The following BMERB1 variants were observed in gnomAD, a reference collection of about 807,000 sequenced individuals.
BMERB1 encodes the protein bMERB domain-containing protein 1.
Under a neutral mutation model 23.6 loss-of-function variants are expected in BMERB1, and 12 were observed. The ratio of observed to expected loss-of-function variants is 0.51; its 90% CI spans 0.33 to 0.82. The LOEUF (loss-of-function observed/expected upper bound fraction) is 0.82. Among genes scored for constraint, BMERB1 ranks in the 40% least tolerant of loss-of-function variants. The probability of loss-of-function intolerance (pLI) is 0.03; values close to 1 mark genes in which losing one functional copy is unlikely to be tolerated. For synonymous variants in BMERB1, 122 were observed against 96.6 expected, an observed-to-expected ratio of 1.26 and a Z score of -1.54; for missense variants, 247 against 255.4, an observed-to-expected ratio of 0.97 and a Z score of 0.22.
chr16:15,572,902 G>T (rs963467027), intron 3 of BMERB1, among the ~76,000 whole-genome samples: 3 of 152,132 alleles, frequency 2.0e-5, no homozygotes, highest in African/African-American at 7.2e-5. Context: ...TTTTATAAGG[G>T]GTTTCCCCTT....
intron 3 of BMERB1, among the ~76,000 whole-genome samples, chr16:15,570,092 A>G (rs1406698197): frequency 6.6e-6 from 1 of 152,110 alleles, no homozygotes; most frequent in Non-Finnish European, 1.5e-5. Context: ...CACTGTTATC[A>G]TTTTTGCAAA....
intron 4 of BMERB1, among the ~76,000 whole-genome samples, chr16:15,581,760 A>G (rs1203990663): frequency 1.3e-5 from 2 of 152,122 alleles, no homozygotes; most frequent in Admixed American, 6.5e-5. Flanking sequence ...AGTGGCGCCA[A>G]TGCCCTTTTC....
intron 2 of BMERB1, among the ~76,000 whole-genome samples, chr16:15,536,331 C>T (rs1044416205): frequency 2.0e-5 from 3 of 152,052 alleles, no homozygotes; most frequent in African/African-American, 4.8e-5. Context: ...GCTTGGCAGA[C>T]GAGGCAGCAG....
At chr16:15,473,465 G>C (rs2051248290) in intron 1 of BMERB1, among the ~76,000 whole-genome samples, 1 of 150,632 alleles carries the variant, frequency 6.6e-6, no homozygotes, top group Non-Finnish European at 1.5e-5. Flanking sequence ...GCTAATTTTT[G>C]TATTTTTAGT....
chr16:15,499,688 A>G (rs2051508991), intron 1 of BMERB1, among the ~76,000 whole-genome samples: 2 of 152,002 alleles, frequency 1.3e-5, no homozygotes, highest in South Asian at 4.1e-4. Context: ...TCCTAGAGGG[A>G]TGGTGTTTGA....
At chr16:15,486,963 G>T (rs1364749238) in intron 1 of BMERB1, among the ~76,000 whole-genome samples, 1 of 152,052 alleles carries the variant, frequency 6.6e-6, no homozygotes, top group Non-Finnish European at 1.5e-5. Flanking sequence ...AACTCTGCCT[G>T]GCAAATAGTA....
chr16:15,559,221 A>G (rs2030351286), intron 2 of BMERB1, among the ~76,000 whole-genome samples: 2 of 152,306 alleles, frequency 1.3e-5, no homozygotes, highest in South Asian at 2.1e-4. Context: ...AGTAGATGTC[A>G]TAGCTACCTC....
intron 2 of BMERB1, among the ~76,000 whole-genome samples, chr16:15,529,718 G>T (rs1266495237): frequency 1.3e-5 from 2 of 152,044 alleles, no homozygotes; most frequent in Admixed American, 1.3e-4. Flanking sequence ...TTCTCCCACG[G>T]TCACATAATC....
At chr16:15,520,321 C>G (rs1356736316) in intron 2 of BMERB1, among the ~76,000 whole-genome samples, 1 of 152,000 alleles carries the variant, frequency 6.6e-6, no homozygotes, top group East Asian at 1.9e-4. Context: ...AACGCAAGGA[C>G]AAACCCCCGA....
intron 2 of BMERB1, among the ~76,000 whole-genome samples, chr16:15,547,527 G>A (rs1366831837): frequency 6.6e-6 from 1 of 151,556 alleles, no homozygotes; most frequent in African/African-American, 2.4e-5. Context: ...TGTATTTTTA[G>A]GTGAGACGGG....
At chr16:15,540,202 G>A (rs2052065434) in intron 2 of BMERB1, among the ~76,000 whole-genome samples, 1 of 151,960 alleles carries the variant, frequency 6.6e-6, no homozygotes, top group Non-Finnish European at 1.5e-5. Flanking sequence ...TTGCATTTAT[G>A]GTGATGTAAA....
intron 1 of BMERB1, among the ~76,000 whole-genome samples, chr16:15,463,671 A>G (rs763715365): frequency 2.0e-5 from 3 of 152,074 alleles, no homozygotes; most frequent in African/African-American, 7.2e-5. Flanking sequence ...CTCACCTTAC[A>G]TGCTCCCCAA....
At chr16:15,512,717 A>G (rs1449288653) in intron 1 of BMERB1, among the ~76,000 whole-genome samples, 2 of 152,036 alleles carry the variant, frequency 1.3e-5, no homozygotes, top group South Asian at 4.1e-4. Context: ...CAACTCTACT[A>G]AAAATACAAA....
At chr16:15,447,008 C>T (rs1470522764) in intron 1 of BMERB1, among the ~76,000 whole-genome samples, 1 of 152,192 alleles carries the variant, frequency 6.6e-6, no homozygotes, top group African/African-American at 2.4e-5. Flanking sequence ...GCAGCAGGAG[C>T]TCTGCCTGCA....
chr16:15,437,195 C>T (rs1411338782), intron 1 of BMERB1, among the ~76,000 whole-genome samples: 3 of 152,114 alleles, frequency 2.0e-5, no homozygotes, highest in African/African-American at 7.2e-5. Flanking sequence ...AGCCCTGTTG[C>T]TCTCTGAAGC....
At chr16:15,490,415 T>G (rs1285403609) in intron 1 of BMERB1, among the ~76,000 whole-genome samples, 1 of 152,208 alleles carries the variant, frequency 6.6e-6, no homozygotes, top group Non-Finnish European at 1.5e-5. Context: ...TCTGAGTAGC[T>G]GGGACCACTG....
In BMERB1 at chr16:15,540,987, G is replaced by A. The variant is rs138449819; in HGVS notation, c.230+25559G>A. On this transcript the variant is annotated intron_variant, in intron 2 of 5. Coordinates refer to ENST00000300006, the MANE Select transcript of BMERB1 (RefSeq NM_033201.3). ...TGTCCTGGAGTTAGCATCAGGTCCT[G>A]CAAGTTAAAAGACCCCATCCCACCA... 3.7e-3 allele frequency among the ~76,000 whole-genome samples: 567 copies of A among 152,098 alleles called. 1 individual carries two copies. The highest frequency in any genetic ancestry group is 0.013 in the African/African-American group (535 of 41,500).
intron 2 of BMERB1, among the ~76,000 whole-genome samples, chr16:15,529,891 TA>T (rs2051950370): frequency 2.0e-5 from 3 of 152,178 alleles, no homozygotes. Flanking sequence ...GCAAATGTGT[TA>T]AAACAACACA....
At chr16:15,524,051 C>A (rs1255565214) in intron 2 of BMERB1, among the ~76,000 whole-genome samples, 1 of 151,982 alleles carries the variant, frequency 6.6e-6, no homozygotes, top group Non-Finnish European at 1.5e-5. Context: ...CTTTAATGAG[C>A]TGATAATTCT....
Sources: gnomAD v4.1 joint callset for allele counts (sites outside exome capture counted in the v4.1 genomes callset) on GRCh38, gnomAD v4.1.1 for gene constraint, MANE v1.5 for transcripts, NCBI Gene and HGNC (gene_info 2026-07-23, HGNC 2026-07-21) for gene names.